PSMA3: variants seen among roughly 807,000 people sequenced by gnomAD.
PSMA3 encodes the protein proteasome 20S subunit alpha 3, also known as proteasome subunit alpha type-3.
In PSMA3, 8 loss-of-function variants were observed where a neutral mutation model predicts 40.0. The ratio of observed to expected loss-of-function variants is 0.20; its 90% CI spans 0.12 to 0.36. The LOEUF (loss-of-function observed/expected upper bound fraction) is 0.36, where lower values mean the gene tolerates loss of function less well. PSMA3 is among the 10% of genes least tolerant of loss of function. The pLI, the probability that PSMA3 is intolerant of heterozygous loss-of-function variation, is 1.00. For missense variants in PSMA3, 219 were observed against 310.6 expected (o/e 0.70, Z 2.22); for synonymous variants, 110 against 100.0 (o/e 1.10, Z -0.59).
chr14:58,259,590 C>T (rs1890223609), intron 5 of PSMA3, among the ~76,000 whole-genome samples: 1 of 152,144 alleles, frequency 6.6e-6, no homozygotes, highest in Admixed American at 6.5e-5. Flanking sequence ...GGATTACAGG[C>T]GTGAGCCACC....
chr14:58,268,649 A>C (rs1890516037), intron 8 of PSMA3: 1 of 152,178 alleles, frequency 6.6e-6, no homozygotes, highest in African/African-American at 2.4e-5. Context: ...ATCATGATAT[A>C]CTCTGTTTCC....
intron 8 of PSMA3, chr14:58,269,995 G>T: frequency 6.4e-6 from 1 of 156,344 alleles, no homozygotes; most frequent in Non-Finnish European, 1.4e-5. Context: ...GATTACAGGC[G>T]CCCACCACCA....
At chr14:58,264,641 T>G (rs906037894) in intron 7 of PSMA3, 1 of 152,222 alleles carries the variant, frequency 6.6e-6, no homozygotes, top group Admixed American at 6.5e-5. Context: ...TCAACTTATT[T>G]AAGACCAGCT....
chr14:58,267,701 TTAG>T (rs1372104204), intron 8 of PSMA3, 181 bp downstream of exon 8: 2 of 1,135,046 alleles, frequency 1.8e-6, no homozygotes, highest in Non-Finnish European at 2.2e-6. Flanking sequence ...GCAATATTTT[TTAG>T]TAGTAATGAA....
chr14:58,251,481 G>A (rs909455630), intron 2 of PSMA3, among the ~76,000 whole-genome samples: 1 of 152,110 alleles, frequency 6.6e-6, no homozygotes, highest in African/African-American at 2.4e-5. Context: ...GCCCAGGCTC[G>A]TCTTGGACTC....
rs557065486 is a variant in PSMA3 at position 58,269,564 on chromosome 14, T to C, written c.591-854T>C. ...TCTCCTGCCTCAGTTTCCCGAGTAG[T>C]TGGGACTACAGGCCTATGGCCACCT... On this transcript the variant is annotated intron_variant, in intron 8 of 10. Transcript: ENST00000216455. The C allele has an allele frequency of 3.0e-4, 46 of 151,164 alleles. 1 individual carries two copies. The highest frequency in any genetic ancestry group is 1.1e-3 in the African/African-American group (45 of 41,170). The allele number at this position is 151,164 out of a possible 1,614,324, so 9.4% of individuals were successfully genotyped here. A position where few individuals can be genotyped will look rare whatever the true frequency, so the allele number is the denominator to read the frequency against.
chr14:58,257,273 A>G (rs1307976826), intron 3 of PSMA3, among the ~76,000 whole-genome samples: 1 of 151,978 alleles, frequency 6.6e-6, no homozygotes, highest in South Asian at 2.1e-4. Flanking sequence ...TGAGGCAGGC[A>G]GATCACGAGG....
At chr14:58,250,717 CA>C (rs1802604076) in intron 2 of PSMA3, among the ~76,000 whole-genome samples, 1 of 152,172 alleles carries the variant, frequency 6.6e-6, no homozygotes, top group Admixed American at 6.5e-5. Context: ...GTGAATAACA[CA>C]ATTCCCCTGC....
chr14:58,248,517 C>T (rs760908409), intron 2 of PSMA3, among the ~76,000 whole-genome samples: 4 of 152,110 alleles, frequency 2.6e-5, no homozygotes, highest in Non-Finnish European at 4.4e-5. Flanking sequence ...CTATATTTCT[C>T]GTTGATTACA....
chr14:58,255,378 C>A (rs944164512), intron 3 of PSMA3, among the ~76,000 whole-genome samples: 9 of 152,122 alleles, frequency 5.9e-5, no homozygotes, highest in Non-Finnish European at 8.8e-5. Flanking sequence ...CCACTAACAG[C>A]CAAGCTTCTC....
intron 1 of PSMA3, chr14:58,245,270 G>A (rs991587213): frequency 8.6e-6 from 3 of 349,832 alleles, no homozygotes; most frequent in Non-Finnish European, 1.6e-5. Context: ...GCTTGAAATA[G>A]TGTGTTCTCT....
intron 7 of PSMA3, chr14:58,265,758 A>G (rs1267325427): frequency 6.6e-6 from 1 of 152,244 alleles, no homozygotes; most frequent in Non-Finnish European, 1.5e-5. Flanking sequence ...CAATTAATTC[A>G]CTAAATACAG....
intron 2 of PSMA3, among the ~76,000 whole-genome samples, chr14:58,249,996 A>G (rs570368107): frequency 2.4e-4 from 37 of 151,954 alleles, no homozygotes; most frequent in Non-Finnish European, 4.4e-4. Context: ...AGGCAGGTGT[A>G]TTGCTTGAGC....
intron 7 of PSMA3, among the ~76,000 whole-genome samples, chr14:58,264,097 G>C (rs1199311088): frequency 6.6e-6 from 1 of 152,172 alleles, no homozygotes; most frequent in Non-Finnish European, 1.5e-5. Context: ...CTGTAGAGTT[G>C]TGTTATACAT....
intron 6 of PSMA3, 139 bp downstream of exon 6, chr14:58,261,159 A>G: frequency 1.6e-6 from 1 of 626,228 alleles, no homozygotes; most frequent in Non-Finnish European, 2.7e-6. Context: ...TTTTTTTACA[A>G]CAACCTCTTG....
At chr14:58,245,267 A>G (rs376267926) in intron 1 of PSMA3, 208 of 363,686 alleles carry the variant, frequency 5.7e-4, no homozygotes, top group African/African-American at 3.7e-3. Context: ...GGGGCTTGAA[A>G]TAGTGTGTTC....
chr14:58,268,497 C>G (rs1890511014), intron 8 of PSMA3, among the ~76,000 whole-genome samples: 1 of 152,128 alleles, frequency 6.6e-6, no homozygotes, highest in Non-Finnish European at 1.5e-5. Flanking sequence ...ACCTCCTCCC[C>G]TCCGCCCTCC....
chr14:58,247,669 T>C, intron 1 of PSMA3, 81 bp from the exon 2 acceptor site: 1 of 915,456 alleles, frequency 1.1e-6, no homozygotes, highest in Non-Finnish European at 1.7e-6. Context: ...GTTCCTGATG[T>C]TTCAGCCATT....
At chr14:58,267,355 T>G in intron 7 of PSMA3, 119 bp from the exon 8 acceptor site, 1 of 1,257,498 alleles carries the variant, frequency 8.0e-7, no homozygotes, top group Non-Finnish European at 1.0e-6. Flanking sequence ...TCGATTCTGG[T>G]CTTTTTCAGA....
Sources: allele counts gnomAD v4.1 joint callset (sites outside exome capture counted in the v4.1 genomes callset), GRCh38; gene constraint gnomAD v4.1.1; transcripts MANE v1.5; gene names NCBI Gene and HGNC (gene_info 2026-07-23, HGNC 2026-07-21).